HHAT: variants seen among roughly 807,000 people sequenced by gnomAD.
HHAT encodes hedgehog acyltransferase.
A neutral mutation model predicts 70.8 loss-of-function variants in HHAT; 47 were observed. That is an observed-to-expected ratio of 0.66 (90% CI 0.53 to 0.85). The LOEUF (loss-of-function observed/expected upper bound fraction) is 0.85. Ranked by LOEUF, HHAT falls within the 40% of genes least tolerant of loss-of-function variation. The probability of loss-of-function intolerance (pLI) is 0.00; values close to 1 mark genes in which losing one functional copy is unlikely to be tolerated. For synonymous variants in HHAT, 228 were observed against 247.6 expected (o/e 0.92, Z 0.74); for missense variants, 609 against 604.8 (o/e 1.01, Z -0.07).
intron 9 of HHAT, among the ~76,000 whole-genome samples, chr1:210,541,028 A>T (rs748478114): frequency 2.9e-4 from 44 of 152,180 alleles, no homozygotes; most frequent in Non-Finnish European, 5.3e-4. Flanking sequence ...TTTAGTAGAG[A>T]CGAGGTTTCA....
chr1:210,395,501 A>G (rs1435898417), intron 4 of HHAT, among the ~76,000 whole-genome samples: 2 of 152,156 alleles, frequency 1.3e-5, no homozygotes, highest in African/African-American at 2.4e-5. Context: ...GGGGTGATGG[A>G]TAGAAGCCTC....
At chr1:210,496,032 A>G (rs2148527979) in intron 8 of HHAT, among the ~76,000 whole-genome samples, 1 of 145,726 alleles carries the variant, frequency 6.9e-6, no homozygotes, top group South Asian at 2.2e-4. Context: ...AAAAAAAAAG[A>G]AAAAGAAAAT....
intron 9 of HHAT, among the ~76,000 whole-genome samples, chr1:210,525,927 G>T (rs1438338178): frequency 2.0e-5 from 3 of 152,208 alleles, no homozygotes; most frequent in Non-Finnish European, 4.4e-5. Flanking sequence ...AAGTGTTGTC[G>T]CTGCCTTCTT....
At chr1:210,580,062 T>C (rs1658876810) in intron 9 of HHAT, among the ~76,000 whole-genome samples, 1 of 152,248 alleles carries the variant, frequency 6.6e-6, no homozygotes, top group Admixed American at 6.5e-5. Context: ...TTCTGTTTTA[T>C]AAACCCTACA....
chr1:210,410,773 G>T (rs184087657), intron 6 of HHAT, among the ~76,000 whole-genome samples: 2 of 151,892 alleles, frequency 1.3e-5, no homozygotes, highest in Non-Finnish European at 2.9e-5. Flanking sequence ...TGATCCGCCC[G>T]CCTTGGCCTC....
intron 1 of HHAT, among the ~76,000 whole-genome samples, chr1:210,337,854 A>G (rs200096087): frequency 1.7e-4 from 20 of 116,030 alleles, no homozygotes; most frequent in South Asian, 5.7e-4. Context: ...GAGGGGATCT[A>G]TTTTGTCTTC....
intron 11 of HHAT, among the ~76,000 whole-genome samples, chr1:210,649,138 C>G (rs557362339): frequency 6.6e-6 from 1 of 152,236 alleles, no homozygotes; most frequent in East Asian, 1.9e-4. Context: ...ATACATTTGG[C>G]TATATATTCA....
chr1:210,336,310 T>TTTTTTTTA (rs2085492279), intron 1 of HHAT, among the ~76,000 whole-genome samples: 1 of 134,338 alleles, frequency 7.4e-6, no homozygotes, highest in Non-Finnish European at 1.6e-5. Context: ...TTTTTTTTTT[T>TTTTTTTTA]AGAGACAGGG....
intron 4 of HHAT, among the ~76,000 whole-genome samples, chr1:210,393,473 C>G (rs2091583060): frequency 6.6e-6 from 1 of 152,170 alleles, no homozygotes; most frequent in Non-Finnish European, 1.5e-5. Context: ...AAATACTGCT[C>G]ACTCTTCTGT....
intron 8 of HHAT, among the ~76,000 whole-genome samples, chr1:210,466,126 A>G (rs2094102177): frequency 6.7e-6 from 1 of 150,218 alleles, no homozygotes. Flanking sequence ...AGGAATCGCA[A>G]GGAATGAATT....
Position 210,542,861 on chromosome 1 carries a change from A to G in HHAT, c.1043+29673A>G, listed in dbSNP as rs139594857. Among the ~76,000 whole-genome samples the G allele has an allele frequency of 6.0e-3, 910 of 152,268 alleles. 5 individuals are homozygous for G. The highest frequency in any genetic ancestry group is 0.03 in the South Asian group (145 of 4,822). On this transcript the variant is annotated intron_variant, in intron 9 of 11. Coordinates refer to ENST00000261458, the MANE Select transcript of HHAT (RefSeq NM_018194.6). ...TATTAAGTATACGTGTTGTATATAT[A>G]TTATACATATATGGATATATTTATG...
At chr1:210,445,879 T>A (rs1209357934) in intron 7 of HHAT, among the ~76,000 whole-genome samples, 3 of 103,780 alleles carry the variant, frequency 2.9e-5, no homozygotes, top group Admixed American at 9.5e-5. Context: ...TACAGGCTCT[T>A]TTTTTTTTTT....
intron 7 of HHAT, among the ~76,000 whole-genome samples, chr1:210,459,941 G>C (rs1174591083): frequency 6.6e-6 from 1 of 152,188 alleles, no homozygotes; most frequent in African/African-American, 2.4e-5. Flanking sequence ...ATCTTTCAAA[G>C]GTGTAACTGG....
chr1:210,441,569 A>AT (rs1480061361), intron 7 of HHAT, among the ~76,000 whole-genome samples: 1 of 152,166 alleles, frequency 6.6e-6, no homozygotes, highest in Non-Finnish European at 1.5e-5. Flanking sequence ...TTGTCTTTAG[A>AT]TTTTGACAAG....
At chr1:210,455,956 C>T (rs1056139883) in intron 7 of HHAT, among the ~76,000 whole-genome samples, 3 of 152,240 alleles carry the variant, frequency 2.0e-5, no homozygotes, top group South Asian at 2.1e-4. Context: ...TGAGAAGCCA[C>T]GCCTGAAGGG....
intron 9 of HHAT, among the ~76,000 whole-genome samples, chr1:210,570,567 C>G (rs1201140612): frequency 1.3e-5 from 2 of 152,116 alleles, no homozygotes; most frequent in Non-Finnish European, 2.9e-5. Flanking sequence ...AGACAGCGAG[C>G]CACAGACCCA....
In HHAT at chr1:210,603,330, C is replaced by G. The variant is rs565420219; in HGVS notation, c.1245+15231C>G. Reference sequence around the variant, plus strand: ...TCTCGGTGGTTTGTGGAGTTTGATTCTTTATCTGTGAGTCTCTGGTCTCTG... The same window carrying G: ...TCTCGGTGGTTTGTGGAGTTTGATTGTTTATCTGTGAGTCTCTGGTCTCTG... On this transcript the variant is annotated intron_variant, in intron 10 of 11. Coordinates refer to ENST00000261458, the MANE Select transcript of HHAT (RefSeq NM_018194.6). 4.1e-5 allele frequency among the ~76,000 whole-genome samples: 6 copies of G among 144,994 alleles called. No individual in the cohort carries two copies. In the South Asian group the frequency reaches 9.3e-4, roughly 22 times the overall value.
At chr1:210,596,138 A>G (rs1662945854) in intron 10 of HHAT, among the ~76,000 whole-genome samples, 1 of 152,172 alleles carries the variant, frequency 6.6e-6, no homozygotes, top group Non-Finnish European at 1.5e-5. Flanking sequence ...TCTTGAATTA[A>G]TGTTTCTATA....
chr1:210,391,542 A>G (rs1213043875), intron 4 of HHAT, among the ~76,000 whole-genome samples: 3 of 152,228 alleles, frequency 2.0e-5, no homozygotes, highest in African/African-American at 4.8e-5. Context: ...TATGGAATAA[A>G]TTTCATAAAA....
Sources: allele counts gnomAD v4.1 joint callset (sites outside exome capture counted in the v4.1 genomes callset), GRCh38; gene constraint gnomAD v4.1.1; transcripts MANE v1.5; gene names NCBI Gene and HGNC (gene_info 2026-07-23, HGNC 2026-07-21).